Variants in EXT1 observed in about 807,000 individuals in gnomAD.
The protein encoded by EXT1 is exostosin glycosyltransferase 1.
EXT1 carries 20 observed loss-of-function variants against 82.5 expected under a neutral mutation model. That is an observed-to-expected ratio of 0.24 (90% confidence interval 0.17 to 0.35). The LOEUF is 0.35. Among genes scored for constraint, EXT1 ranks in the 10% least tolerant of loss-of-function variants. The pLI, the probability that EXT1 is intolerant of heterozygous loss-of-function variation, is 1.00. For synonymous variants in EXT1, 348 were observed against 350.8 expected, an observed-to-expected ratio of 0.99 and a Z score of 0.09; for missense variants, 757 against 936.5, an observed-to-expected ratio of 0.81 and a Z score of 2.50.
chr8:117,954,639 T>C (rs751112019), intron 1 of EXT1, among the ~76,000 whole-genome samples: 44 of 152,180 alleles, frequency 2.9e-4, no homozygotes, highest in Non-Finnish European at 5.3e-4. Context: ...TACAAGGATA[T>C]AATTCAAAAC....
chr8:117,875,440 ATAAAT>A (rs1173510912), intron 1 of EXT1, among the ~76,000 whole-genome samples: 6 of 149,510 alleles, frequency 4.0e-5, no homozygotes, highest in African/African-American at 1.5e-4. Context: ...AAATAAATAA[ATAAAT>A]AAATAAATAA....
intron 1 of EXT1, among the ~76,000 whole-genome samples, chr8:117,854,631 AATGATAATG>A (rs1812510983): frequency 6.6e-6 from 1 of 152,258 alleles, no homozygotes. Flanking sequence ...TAGAAATAAC[AATGATAATG>A]ATGATATAAC....
chr8:118,022,465 G>A (rs1443385349), intron 1 of EXT1, among the ~76,000 whole-genome samples: 1 of 147,248 alleles, frequency 6.8e-6, no homozygotes, highest in Non-Finnish European at 1.5e-5. Context: ...AGCCCCCTGA[G>A]TAGCTGGGAT....
At chr8:118,011,049 C>T (rs532968481) in intron 1 of EXT1, among the ~76,000 whole-genome samples, 1 of 152,278 alleles carries the variant, frequency 6.6e-6, no homozygotes, top group East Asian at 1.9e-4. Flanking sequence ...AACCTGTTTG[C>T]AATGTGGGAA....
chr8:117,818,467 C>T lies in EXT1; in HGVS notation c.1600G>A (p.Val534Met), dbSNP rs769496005. The part of the protein sequence containing the change: ...PAKHRWPATA[V>M]PVVVIEGESK... ...TCTCCTTCAATGACGACGACAGGCA[C>T]AGCAGTGGCAGGCCAGCGGTGTTTG... is the stretch of plus-strand genomic sequence containing the variant. Residue 534 changes from valine to methionine, a missense_variant, in exon 7 of 11, where the codon GTG becomes ATG. By Grantham distance (21) the Val-to-Met change is conservative (BLOSUM62 1). This residue lies in a region of EXT1 where 207 missense variants were observed against 224.2 expected (regional missense o/e 0.92). Coordinates refer to ENST00000378204, the MANE Select transcript of EXT1 (RefSeq NM_000127.3). 3 of 1,614,120 alleles carry T rather than the reference C, an allele frequency of 1.9e-6. No homozygotes were observed. Among genetic ancestry groups the T allele is most frequent in the Non-Finnish European group, 2.5e-6 (3 of 1,180,014 alleles).
At chr8:117,928,918 C>G (rs1814000238) in intron 1 of EXT1, among the ~76,000 whole-genome samples, 1 of 151,974 alleles carries the variant, frequency 6.6e-6, no homozygotes, top group Admixed American at 6.6e-5. Flanking sequence ...GTTCTGTGCC[C>G]ACTAAAACAA....
At chr8:117,938,393 T>A (rs1586296960) in intron 1 of EXT1, among the ~76,000 whole-genome samples, 1 of 151,856 alleles carries the variant, frequency 6.6e-6, no homozygotes, top group South Asian at 2.1e-4. Context: ...GGCCAGGAGG[T>A]AAAGGTTGCG....
intron 1 of EXT1, among the ~76,000 whole-genome samples, chr8:117,987,103 C>T (rs1815338600): frequency 6.6e-6 from 1 of 152,208 alleles, no homozygotes; most frequent in African/African-American, 2.4e-5. Context: ...TCGAAAATTT[C>T]TCTCCACCTT....
intron 1 of EXT1, among the ~76,000 whole-genome samples, chr8:117,877,878 CAA>C (rs1279378304): frequency 1.3e-5 from 2 of 152,128 alleles, no homozygotes; most frequent in Non-Finnish European, 2.9e-5. Context: ...TAAAATTACG[CAA>C]AGACTACTAG....
At chr8:117,959,500 G>A (rs534691774) in intron 1 of EXT1, among the ~76,000 whole-genome samples, 1 of 152,336 alleles carries the variant, frequency 6.6e-6, no homozygotes, top group Admixed American at 6.5e-5. Flanking sequence ...AACTGAGGCA[G>A]TTCTCGGCAC....
intron 1 of EXT1, among the ~76,000 whole-genome samples, chr8:118,033,551 T>C (rs1816370474): frequency 1.3e-5 from 2 of 152,198 alleles, no homozygotes; most frequent in African/African-American, 4.8e-5. Flanking sequence ...TGATCATAGT[T>C]CACTGTAGCC....
intron 1 of EXT1, among the ~76,000 whole-genome samples, chr8:117,838,521 GGATTAA>G (rs759385253): frequency 2.2e-4 from 33 of 151,990 alleles, no homozygotes; most frequent in African/African-American, 2.7e-4. Flanking sequence ...CACCGTGAAT[GGATTAA>G]GATTATCTCC....
In EXT1 at chr8:117,942,824, C is replaced by T. The variant is rs147812060; in HGVS notation, c.963-105623G>A. Among the ~76,000 whole-genome samples the T allele has an allele frequency of 2.0e-3, 305 of 152,194 alleles. 1 individual carries two copies. Among genetic ancestry groups the T allele is most frequent in the Admixed American group, 4.1e-3 (62 of 15,292 alleles). On this transcript the variant is annotated intron_variant, in intron 1 of 10. Coordinates refer to ENST00000378204, the MANE Select transcript of EXT1 (RefSeq NM_000127.3). The stretch of plus-strand genomic sequence containing the variant: ...GAAAATTACACTTGATATATACTAA[C>T]GCTATGATCCTAATTCTACAAGTTG...
chr8:117,864,727 C>A (rs1183944809), intron 1 of EXT1, among the ~76,000 whole-genome samples: 4 of 137,580 alleles, frequency 2.9e-5, no homozygotes, highest in Non-Finnish European at 4.5e-5. Flanking sequence ...CCAGCCTGGG[C>A]GACAGAGCGA....
chr8:117,858,352 C>G (rs144581069), intron 1 of EXT1, among the ~76,000 whole-genome samples: 3 of 152,026 alleles, frequency 2.0e-5, no homozygotes, highest in Non-Finnish European at 2.9e-5. Context: ...TCAATCGTTG[C>G]GGCAAACTCC....
chr8:118,039,975 G>GT (rs1269660842), intron 1 of EXT1, among the ~76,000 whole-genome samples: 1 of 152,078 alleles, frequency 6.6e-6, no homozygotes, highest in Non-Finnish European at 1.5e-5. Flanking sequence ...CTGTGAAAGC[G>GT]TAACAACCCA....
intron 1 of EXT1, among the ~76,000 whole-genome samples, chr8:118,005,647 C>A (rs1373378626): frequency 6.6e-6 from 1 of 152,196 alleles, no homozygotes; most frequent in East Asian, 1.9e-4. Context: ...GGATTTAAAA[C>A]TGGCAGACTG....
chr8:117,968,999 A>G (rs1474581675), intron 1 of EXT1, among the ~76,000 whole-genome samples: 1 of 152,222 alleles, frequency 6.6e-6, no homozygotes, highest in Non-Finnish European at 1.5e-5. Context: ...ATATAAAAGA[A>G]GGAAAATGCG....
At chr8:117,811,173 G>A (rs1262498520) in intron 8 of EXT1, among the ~76,000 whole-genome samples, 1 of 152,120 alleles carries the variant, frequency 6.6e-6, no homozygotes, top group Non-Finnish European at 1.5e-5. Flanking sequence ...TTGTTGCCAG[G>A]ACTCAGATGG....
Sources: gnomAD v4.1 joint callset for allele counts (sites outside exome capture counted in the v4.1 genomes callset) on GRCh38, gnomAD v4.1.1 for gene constraint, gnomAD v4.1.1 regional missense constraint, MANE v1.5 for transcripts, NCBI Gene and HGNC (gene_info 2026-07-23, HGNC 2026-07-21) for gene names.